ZNF521: variants seen among roughly 807,000 people sequenced by gnomAD.
ZNF521 encodes the protein LYST-interacting protein 3.
A neutral mutation model predicts 105.5 loss-of-function variants in ZNF521; 14 were observed. That is an observed-to-expected ratio of 0.13 (90% CI 0.09 to 0.21). The LOEUF is 0.21. ZNF521 is among the 10% of genes least tolerant of loss of function. The pLI is 1.00. For synonymous variants in ZNF521, 635 were observed against 606.0 expected, an observed-to-expected ratio of 1.05 and a Z score of -0.70; for missense variants, 1,233 against 1,629.7, an observed-to-expected ratio of 0.76 and a Z score of 4.19.
chr18:25,208,851 A>C (rs2036127979), intron 4 of ZNF521, among the ~76,000 whole-genome samples: 1 of 151,904 alleles, frequency 6.6e-6, no homozygotes, highest in Non-Finnish European at 1.5e-5. Context: ...GAACCCATTA[A>C]ATTTCTTTAA....
intron 5 of ZNF521, among the ~76,000 whole-genome samples, chr18:25,193,921 G>A (rs45582139): frequency 0.14 from 21,116 of 151,682 alleles, 2,865 homozygotes; most frequent in African/African-American, 0.35. Flanking sequence ...CAACCCCCCA[G>A]AAGACCTATC....
At chr18:25,069,249 A>T (rs545671506) in intron 7 of ZNF521, among the ~76,000 whole-genome samples, 1 of 152,260 alleles carries the variant, frequency 6.6e-6, no homozygotes, top group Non-Finnish European at 1.5e-5. Context: ...AATAGTTTTA[A>T]AAGTGTATAC....
chr18:25,182,632 C>T (rs1202421618), intron 5 of ZNF521, among the ~76,000 whole-genome samples: 2 of 152,162 alleles, frequency 1.3e-5, no homozygotes, highest in Non-Finnish European at 2.9e-5. Flanking sequence ...TGTACTTCCA[C>T]TGCATCATAA....
intron 4 of ZNF521, among the ~76,000 whole-genome samples, chr18:25,198,731 G>T (rs191727745): frequency 6.6e-6 from 1 of 151,116 alleles, no homozygotes; most frequent in Non-Finnish European, 1.5e-5. Flanking sequence ...AGTGTAGGTC[G>T]TGCCTATTTG....
intron 5 of ZNF521, among the ~76,000 whole-genome samples, chr18:25,104,939 A>AT (rs1296724017): frequency 2.0e-5 from 3 of 152,086 alleles, no homozygotes; most frequent in African/African-American, 4.8e-5. Context: ...AGGCAAAATA[A>AT]TTTTTTTTCT....
At chr18:25,292,145 G>T (rs924025103) in intron 3 of ZNF521, among the ~76,000 whole-genome samples, 10 of 152,130 alleles carry the variant, frequency 6.6e-5, no homozygotes, top group Admixed American at 5.2e-4. Flanking sequence ...TCTTTGGTTT[G>T]AATAAAGTCA....
chr18:25,322,585 T>C (rs1172037807), intron 2 of ZNF521, among the ~76,000 whole-genome samples: 1 of 151,204 alleles, frequency 6.6e-6, no homozygotes, highest in Non-Finnish European at 1.5e-5. Flanking sequence ...TGAACTCTTT[T>C]TCTGCTAAAT....
At position 25,115,584 on chromosome 18, in the gene ZNF521, A is replaced by C. The variant is rs141193412; in HGVS notation, c.3659-23503T>G. 4.6e-3 allele frequency among the ~76,000 whole-genome samples: 704 copies of C among 152,352 alleles called. 7 individuals are homozygous for C. Among genetic ancestry groups the C allele is most frequent in the South Asian group, 0.031 (150 of 4,830 alleles). ...TCTCTAAATAATAAATAAAAGTAAC[A>C]TGCATGTTTAGATTTGTCTTCTCAG... On this transcript the variant is annotated intron_variant, in intron 5 of 7. Transcript: ENST00000361524.
chr18:25,348,615 TGTGTTCCGCGCCCACACAGAA>T (rs1914565506), intron 2 of ZNF521, among the ~76,000 whole-genome samples: 1 of 152,212 alleles, frequency 6.6e-6, no homozygotes, highest in Non-Finnish European at 1.5e-5. Flanking sequence ...AGAACAGCAC[TGTGTTCCGCGCCCACACAGAA>T]TATGGAAGCT....
intron 5 of ZNF521, among the ~76,000 whole-genome samples, chr18:25,112,524 C>A (rs989007060): frequency 6.6e-6 from 1 of 152,144 alleles, no homozygotes; most frequent in South Asian, 2.1e-4. Flanking sequence ...ATAAAGAGCA[C>A]AGCTGAGATT....
intron 4 of ZNF521, among the ~76,000 whole-genome samples, chr18:25,203,079 C>T (rs781011325): frequency 2.0e-5 from 3 of 152,190 alleles, no homozygotes. Flanking sequence ...GATCCCTAAA[C>T]TCAAGGCATT....
At chr18:25,262,135 C>T (rs982715529) in intron 3 of ZNF521, among the ~76,000 whole-genome samples, 20 of 152,112 alleles carry the variant, frequency 1.3e-4, no homozygotes, top group Non-Finnish European at 2.9e-4. Context: ...TCACTTATGT[C>T]TTATGTCATC....
chr18:25,062,590 T>C lies in ZNF521; in HGVS notation c.*122A>G, dbSNP rs192600378. 2.9e-4 allele frequency: 386 copies of C among 1,324,122 alleles called. No homozygotes were observed. In the African/African-American group the frequency reaches 5.1e-3, roughly 17 times the overall value. The allele number at this position is 1,324,122 out of a possible 1,614,324, so 82.0% of individuals were successfully genotyped here. On this transcript the variant is annotated 3_prime_UTR_variant, in exon 8 of 8. Transcript: ENST00000361524. ...CATCCAACAGTTTGATAATACAAGT[T>C]TTATGGTACAATACAATGTTTCTGA... is the stretch of plus-strand genomic sequence containing the variant.
rs115542194 is a variant in ZNF521 at position 25,330,135 on chromosome 18, G to A, written c.41-7948C>T. ...GAAGTGCCAAAGCTGGAGAAAAACT[G>A]GGCAGAAAAATCACACCACCTAACT... On this transcript the variant is annotated intron_variant, in intron 2 of 7. Transcript: ENST00000361524. 1.8e-3 allele frequency among the ~76,000 whole-genome samples: 275 copies of A among 152,088 alleles called. 2 individuals carry two copies. Among genetic ancestry groups the A allele is most frequent in the African/African-American group, 6.3e-3 (261 of 41,498 alleles).
chr18:25,210,211 T>C (rs934361021), intron 4 of ZNF521, among the ~76,000 whole-genome samples: 2 of 152,198 alleles, frequency 1.3e-5, no homozygotes, highest in African/African-American at 4.8e-5. Flanking sequence ...CATGATACCT[T>C]ATAAAGAGGG....
intron 4 of ZNF521, among the ~76,000 whole-genome samples, chr18:25,218,182 A>G (rs951135691): frequency 6.6e-6 from 1 of 152,156 alleles, no homozygotes; most frequent in African/African-American, 2.4e-5. Context: ...TTCAAATAGG[A>G]AGGGACATGC....
At chr18:25,246,346 A>C (rs1187889166) in intron 3 of ZNF521, among the ~76,000 whole-genome samples, 1 of 152,252 alleles carries the variant, frequency 6.6e-6, no homozygotes, top group Non-Finnish European at 1.5e-5. Context: ...GTGAATATTC[A>C]TAATGTAGAA....
At chr18:25,269,350 T>C (rs745595125) in intron 3 of ZNF521, among the ~76,000 whole-genome samples, 2 of 152,070 alleles carry the variant, frequency 1.3e-5, no homozygotes, top group Admixed American at 1.3e-4. Flanking sequence ...GGAGACTTTA[T>C]TGACCCCACT....
chr18:25,328,494 C>G (rs1376762750), intron 2 of ZNF521, among the ~76,000 whole-genome samples: 2 of 151,858 alleles, frequency 1.3e-5, no homozygotes, highest in Admixed American at 1.3e-4. Flanking sequence ...CTCTTCCAAT[C>G]AGAAAGATAT....
Sources: allele counts gnomAD v4.1 joint callset (sites outside exome capture counted in the v4.1 genomes callset), GRCh38; gene constraint gnomAD v4.1.1; transcripts MANE v1.5; gene names NCBI Gene and HGNC (gene_info 2026-07-23, HGNC 2026-07-21).